The following NRG3 variants were observed in gnomAD, a reference collection of about 807,000 sequenced individuals.
The protein encoded by NRG3 is pro-neuregulin-3, membrane-bound isoform.
In NRG3, 31 loss-of-function variants were observed where a neutral mutation model predicts 66.9. That is an observed-to-expected ratio of 0.46 (90% CI 0.35 to 0.63). The LOEUF is 0.63. Ranked by LOEUF, NRG3 falls within the 20% of genes least tolerant of loss-of-function variation. NRG3 has a pLI of 0.00. For synonymous variants in NRG3, 393 were observed against 359.4 expected (o/e 1.09, Z -1.06); for missense variants, 910 against 878.9 (o/e 1.04, Z -0.45).
intron 1 of NRG3, among the ~76,000 whole-genome samples, chr10:82,255,612 C>T (rs2077685080): frequency 6.6e-6 from 1 of 151,644 alleles, no homozygotes; most frequent in African/African-American, 2.4e-5. Context: ...AACAAACAAA[C>T]AAACAAAAAA....
chr10:82,652,371 G>T (rs1373353991), intron 2 of NRG3, among the ~76,000 whole-genome samples: 1 of 152,120 alleles, frequency 6.6e-6, no homozygotes, highest in Non-Finnish European at 1.5e-5. Flanking sequence ...TAAATGAGGG[G>T]GATTTTATTG....
At chr10:82,141,915 G>A (rs778558724) in intron 1 of NRG3, among the ~76,000 whole-genome samples, 8 of 152,072 alleles carry the variant, frequency 5.3e-5, no homozygotes, top group East Asian at 1.9e-4. Flanking sequence ...TGCATACTAC[G>A]TGAAGTTTTC....
intron 3 of NRG3, among the ~76,000 whole-genome samples, chr10:82,751,149 G>C (rs2058846653): frequency 1.3e-5 from 2 of 152,074 alleles, no homozygotes; most frequent in African/African-American, 4.8e-5. Context: ...ACTATTTTTA[G>C]TCTCTCCTTA....
At chr10:82,866,742 G>A (rs1315941901) in intron 4 of NRG3, among the ~76,000 whole-genome samples, 1 of 152,128 alleles carries the variant, frequency 6.6e-6, no homozygotes, top group Non-Finnish European at 1.5e-5. Flanking sequence ...TGAACAAGCT[G>A]GTGTGATGAA....
At chr10:82,913,336 A>C (rs991904652) in intron 4 of NRG3, among the ~76,000 whole-genome samples, 6 of 152,222 alleles carry the variant, frequency 3.9e-5, no homozygotes, top group African/African-American at 1.4e-4. Flanking sequence ...CTGTTAGTTC[A>C]AATAAAAATA....
intron 2 of NRG3, among the ~76,000 whole-genome samples, chr10:82,607,541 T>C (rs2048041973): frequency 6.6e-6 from 1 of 152,188 alleles, no homozygotes; most frequent in Non-Finnish European, 1.5e-5. Context: ...ACAATCTTAG[T>C]ATTTTAATTG....
chr10:82,850,023 C>T (rs1418597182), intron 3 of NRG3, among the ~76,000 whole-genome samples: 2 of 152,140 alleles, frequency 1.3e-5, no homozygotes, highest in African/African-American at 2.4e-5. Flanking sequence ...GTAGTAAAAC[C>T]ATCCAGGTGA....
intron 1 of NRG3, among the ~76,000 whole-genome samples, chr10:82,196,222 A>G (rs974483102): frequency 2.0e-5 from 3 of 152,176 alleles, no homozygotes; most frequent in African/African-American, 7.2e-5. Flanking sequence ...GTGCCCTTTC[A>G]GTAAGGGGAT....
chr10:82,985,687 T>C lies in NRG3; in HGVS notation c.*82T>C. On this transcript the variant is annotated 3_prime_UTR_variant, in exon 9 of 9. Transcript: ENST00000372141. ...TCAAATACAAATTATTTATATGCAT[T>C]AATTTAAGAGCATCTACTTAGAAGA... 7.0e-7 allele frequency: 1 copy of C among 1,418,978 alleles called. No homozygotes were observed. The highest frequency in any genetic ancestry group is 9.5e-7 in the Non-Finnish European group (1 of 1,052,178). 87.9% of individuals were successfully genotyped at this position (1,418,978 alleles called of 1,614,324 possible). A position where few individuals can be genotyped will look rare whatever the true frequency, so the allele number is the denominator to read the frequency against.
At chr10:82,856,892 T>A (rs2063840139) in intron 3 of NRG3, among the ~76,000 whole-genome samples, 1 of 152,120 alleles carries the variant, frequency 6.6e-6, no homozygotes, top group Non-Finnish European at 1.5e-5. Context: ...GGAACTCTAG[T>A]GTATTCACCT....
intron 2 of NRG3, among the ~76,000 whole-genome samples, chr10:82,561,389 C>T (rs766452655): frequency 8.5e-5 from 13 of 152,174 alleles, no homozygotes; most frequent in East Asian, 1.9e-4. Context: ...CCATGGCTCA[C>T]GCCTGTAATC....
chr10:82,965,861 A>G (rs984448663), intron 6 of NRG3, among the ~76,000 whole-genome samples: 1 of 152,110 alleles, frequency 6.6e-6, no homozygotes. Context: ...TGGAGTATGC[A>G]TCTTGAGGGC....
chr10:82,863,698 G>T (rs539591776), intron 3 of NRG3, among the ~76,000 whole-genome samples: 91 of 152,210 alleles, frequency 6.0e-4, no homozygotes, highest in African/African-American at 1.8e-3. Flanking sequence ...ACTCTTTGAT[G>T]GGGTTGTACA....
chr10:82,446,128 C>A (rs1279257830), intron 2 of NRG3, among the ~76,000 whole-genome samples: 1 of 152,182 alleles, frequency 6.6e-6, no homozygotes, highest in African/African-American at 2.4e-5. Flanking sequence ...TCCAAGGAAA[C>A]TCCCTTCACA....
intron 2 of NRG3, among the ~76,000 whole-genome samples, chr10:82,423,047 A>G (rs1209222741): frequency 1.3e-5 from 2 of 151,972 alleles, no homozygotes; most frequent in Admixed American, 6.6e-5. Flanking sequence ...TTAACTTCTT[A>G]ATTCCAAAGA....
chr10:82,582,012 A>G (rs943886743), intron 2 of NRG3, among the ~76,000 whole-genome samples: 2 of 152,044 alleles, frequency 1.3e-5, no homozygotes, highest in Admixed American at 6.6e-5. Flanking sequence ...TATCGAATCA[A>G]TATTTCCAAA....
intron 2 of NRG3, among the ~76,000 whole-genome samples, chr10:82,429,009 C>T (rs566167126): frequency 6.6e-6 from 1 of 151,970 alleles, no homozygotes; most frequent in East Asian, 1.9e-4. Context: ...TCTCTTTCGC[C>T]TGATAGTATG....
At chr10:82,306,818 T>C (rs1249870093) in intron 1 of NRG3, among the ~76,000 whole-genome samples, 1 of 151,450 alleles carries the variant, frequency 6.6e-6, no homozygotes, top group African/African-American at 2.4e-5. Flanking sequence ...GACAACTTCA[T>C]ATATTTTGTC....
At chr10:82,365,692 A>T (rs1166140533) in intron 2 of NRG3, among the ~76,000 whole-genome samples, 14 of 152,110 alleles carry the variant, frequency 9.2e-5, no homozygotes, top group Non-Finnish European at 1.8e-4. Context: ...TTGGATATGG[A>T]TATTTAAGTA....
Sources: allele counts gnomAD v4.1 joint callset (sites outside exome capture counted in the v4.1 genomes callset), GRCh38; gene constraint gnomAD v4.1.1; transcripts MANE v1.5; gene names NCBI Gene and HGNC (gene_info 2026-07-23, HGNC 2026-07-21).